Variants in REPS2 observed in about 807,000 individuals in gnomAD.
REPS2 encodes ralBP1-associated Eps domain-containing protein 2.
REPS2 carries 23 observed loss-of-function variants against 53.6 expected under a neutral mutation model. The observed-to-expected ratio is 0.43, with a 90% confidence interval of 0.31 to 0.61. REPS2 has a LOEUF of 0.61. Ranked by LOEUF, REPS2 falls within the 20% of genes least tolerant of loss-of-function variation. The pLI is 0.11. For missense variants in REPS2, 446 were observed against 534.9 expected (o/e 0.83, Z 1.64); for synonymous variants, 238 against 218.6 (o/e 1.09, Z -0.78).
At chrX:17,187,598 C>A in the REPS2 span, among the ~76,000 whole-genome samples, 1 of 112,231 alleles carries the variant, frequency 8.9e-6, no homozygotes, top group Middle Eastern at 4.2e-3. Context: ...GAAATTACTG[C>A]AACTAATGCT....
intron 1 of REPS2, among the ~76,000 whole-genome samples, chrX:16,965,981 G>C (rs1352786838): frequency 8.9e-6 from 1 of 112,461 alleles, no homozygotes; most frequent in Non-Finnish European, 1.9e-5. Flanking sequence ...GTGGCGGCGC[G>C]CGCCTGCAAT....
At chrX:17,097,508 A>G (rs957586017) in intron 13 of REPS2, among the ~76,000 whole-genome samples, 4 of 112,369 alleles carry the variant, frequency 3.6e-5, no homozygotes, top group African/African-American at 1.3e-4. Flanking sequence ...AAAGCTACAA[A>G]TTAGTGAACT....
rs1432033409 is a variant in REPS2 at position 16,947,020 on chromosome X, C to T, written c.159C>T (p.Pro53=). 18 of 949,469 alleles carry T rather than the reference C, an allele frequency of 1.9e-5. No individual in the cohort carries two copies. In the Admixed American group the frequency reaches 2.4e-4, roughly 12 times the overall value. The allele number at this position is 949,469 out of a possible 1,213,427, so 78.2% of individuals were successfully genotyped here. A position where few individuals can be genotyped will look rare whatever the true frequency, so the allele number is the denominator to read the frequency against. The stretch of plus-strand genomic sequence containing the variant: ...GTGCCGGCGCCGCGGGCGGGGGCCC[C>T]GGGTCTGGGCCCCCCGAGGCCGCCA... ...ARCAGAAGGG[P]GSGPPEAARV... The change falls in exon 1 of 18, where the codon CCC becomes CCT. Residue 53 remains proline, a synonymous_variant. Coordinates refer to ENST00000357277, the MANE Select transcript of REPS2 (RefSeq NM_004726.3).
intron 2 of REPS2, among the ~76,000 whole-genome samples, chrX:17,018,714 C>T (rs2061532989): frequency 9.1e-6 from 1 of 109,798 alleles, no homozygotes; most frequent in African/African-American, 3.3e-5. Context: ...CAGCACCCTC[C>T]ACTCCATATT....
intron 11 of REPS2, among the ~76,000 whole-genome samples, chrX:17,071,579 T>G (rs1047565763): frequency 8.1e-5 from 9 of 111,768 alleles, no homozygotes; most frequent in Non-Finnish European, 1.1e-4. Flanking sequence ...TTCCCACTAC[T>G]GCCCCTCTCT....
Position 17,054,925 on chromosome X carries a change from T to A in REPS2, c.1089T>A (p.Thr363=). 1 of 1,211,741 alleles carries A rather than the reference T, an allele frequency of 8.3e-7. No homozygotes were observed. Among genetic ancestry groups the A allele is most frequent in the Non-Finnish European group, 1.1e-6 (1 of 895,421 alleles). ...CATTGCCTGAGGGCCTCCCTCCAAC[T>A]CTGCAGCCAGAATACCTGCAGGCAG... ...GYPLPEGLPP[T]LQPEYLQAAF... is the part of the protein sequence containing the mutation. Residue 363 remains threonine, a synonymous_variant, in exon 8 of 18, where the codon ACT becomes ACA. Coordinates refer to ENST00000357277, the MANE Select transcript of REPS2 (RefSeq NM_004726.3).
intron 1 of REPS2, among the ~76,000 whole-genome samples, chrX:16,951,561 C>CACA (rs1569083961): frequency 2.7e-4 from 7 of 25,802 alleles, no homozygotes; most frequent in Non-Finnish European, 4.8e-4. Context: ...ACACACACAC[C>CACA]CCCGCTACCT....
chrX:17,058,232 A>G (rs1305956132), intron 8 of REPS2, among the ~76,000 whole-genome samples: 2 of 111,034 alleles, frequency 1.8e-5, no homozygotes, highest in African/African-American at 6.6e-5. Flanking sequence ...AGGCAGGTGG[A>G]TCACTGGAGG....
intron 5 of REPS2, among the ~76,000 whole-genome samples, chrX:17,047,008 A>G (rs2061916931): frequency 8.9e-6 from 1 of 112,668 alleles, no homozygotes; most frequent in African/African-American, 3.2e-5. Flanking sequence ...CCACTCAGCT[A>G]ATCTGAAAGA....
chrX:17,066,535 C>T (rs937413703), intron 9 of REPS2, among the ~76,000 whole-genome samples: 3 of 112,342 alleles, frequency 2.7e-5, no homozygotes, highest in African/African-American at 9.7e-5. Context: ...AAGAAATGCA[C>T]TGTTATGATA....
At chrX:17,068,544 G>A in intron 10 of REPS2, 73 bp downstream of exon 10, 1 of 822,693 alleles carries the variant, frequency 1.2e-6, no homozygotes, top group East Asian at 3.3e-5. Flanking sequence ...TTGGAATGGT[G>A]GCTTCTAGAG....
At position 17,024,499 on chromosome X, in the gene REPS2, T is replaced by C. The variant is rs181127452; in HGVS notation, c.547-560T>C. 4.6e-5 allele frequency among the ~76,000 whole-genome samples: 5 copies of C among 107,750 alleles called. No individual in the cohort carries two copies. In the East Asian group the frequency reaches 1.4e-3, roughly 31 times the overall value. The allele number at this position is 107,750 out of a possible 115,157, so 93.6% of individuals were successfully genotyped here. Reference sequence around the variant, plus strand: ...AGCTTGTTAAGATTTCATCTTAGTGTTTGGGAGTAAGCTGGTTGGAATGGT... The same window carrying C: ...AGCTTGTTAAGATTTCATCTTAGTGCTTGGGAGTAAGCTGGTTGGAATGGT... On this transcript the variant is annotated intron_variant, in intron 3 of 17. Transcript: ENST00000357277.
chrX:17,150,945 G>A lies in REPS2; in HGVS notation c.*3464G>A, dbSNP rs1267279483. The A allele has an allele frequency of 8.9e-6, 1 of 112,097 alleles. No individual in the cohort carries two copies. The highest frequency in any genetic ancestry group is 3.3e-5 in the African/African-American group (1 of 30,751). The allele number at this position is 112,097 out of a possible 1,213,427, so 9.2% of individuals were successfully genotyped here. On this transcript the variant is annotated 3_prime_UTR_variant, in exon 18 of 18. Coordinates refer to ENST00000357277, the MANE Select transcript of REPS2 (RefSeq NM_004726.3). ...TAAATTTGAAAACATGTTTTAGGGAGTTTAGTTCTAGAAATTTCTCTTAGA... is the reference window on the plus strand; with the variant it reads ...TAAATTTGAAAACATGTTTTAGGGAATTTAGTTCTAGAAATTTCTCTTAGA...
the REPS2 span, among the ~76,000 whole-genome samples, chrX:17,192,523 A>G: frequency 9.0e-6 from 1 of 111,680 alleles, no homozygotes; most frequent in Non-Finnish European, 1.9e-5. Context: ...AGATCCACAG[A>G]TGAGAAGGAG....
At chrX:17,188,304 C>T in the REPS2 span, among the ~76,000 whole-genome samples, 1 of 112,282 alleles carries the variant, frequency 8.9e-6, no homozygotes, top group African/African-American at 3.2e-5. Flanking sequence ...TCTTTGGTTG[C>T]CCACTTTCCA....
chrX:16,968,315 A>G (rs1385848716), intron 1 of REPS2, among the ~76,000 whole-genome samples: 20 of 111,088 alleles, frequency 1.8e-4, no homozygotes, highest in Non-Finnish European at 3.6e-4. Context: ...ATTCCACAAA[A>G]CCGCCATTGT....
At chrX:17,125,714 C>A (rs977151691) in intron 14 of REPS2, among the ~76,000 whole-genome samples, 7 of 112,663 alleles carry the variant, frequency 6.2e-5, no homozygotes, top group African/African-American at 2.3e-4. Flanking sequence ...GCGAACTAAC[C>A]CAGTTATGTT....
At chrX:16,951,535 ACACACACACACACACACACACACACC>A (rs1193629612) in intron 1 of REPS2, among the ~76,000 whole-genome samples, 8 of 53,068 alleles carry the variant, frequency 1.5e-4, no homozygotes, top group African/African-American at 3.2e-4. Flanking sequence ...ACACACACAC[ACACACACACACACACACACACACACC>A]CCCGCTACCT....
At chrX:16,999,772 C>T (rs1454419382) in intron 1 of REPS2, among the ~76,000 whole-genome samples, 3 of 110,581 alleles carry the variant, frequency 2.7e-5, no homozygotes, top group Non-Finnish European at 3.8e-5. Flanking sequence ...CTTGGCCGGG[C>T]ACGGTGGCTC....
Sources: allele counts gnomAD v4.1 joint callset (sites outside exome capture counted in the v4.1 genomes callset), GRCh38; gene constraint gnomAD v4.1.1; transcripts MANE v1.5; gene names NCBI Gene and HGNC (gene_info 2026-07-23, HGNC 2026-07-21).